SLC35F3: variants seen among roughly 807,000 people sequenced by gnomAD.
SLC35F3 encodes putative thiamine transporter SLC35F3.
SLC35F3 carries 25 observed loss-of-function variants against 49.9 expected under a neutral mutation model. The ratio of observed to expected loss-of-function variants is 0.50; its 90% CI spans 0.37 to 0.70. The LOEUF (loss-of-function observed/expected upper bound fraction) is 0.70. Ranked by LOEUF, SLC35F3 falls within the 30% of genes least tolerant of loss-of-function variation. The pLI, the probability that SLC35F3 is intolerant of heterozygous loss-of-function variation, is 0.00. For missense variants in SLC35F3, 525 were observed against 639.8 expected (o/e 0.82, Z 1.94); for synonymous variants, 275 against 265.4 (o/e 1.04, Z -0.35).
chr1:234,097,616 C>T (rs1665144014), intron 2 of SLC35F3, among the ~76,000 whole-genome samples: 1 of 152,164 alleles, frequency 6.6e-6, no homozygotes, highest in Non-Finnish European at 1.5e-5. Context: ...TAGCCTCCCT[C>T]ATCTGGGGGA....
chr1:234,019,731 C>T (rs1466269842), intron 2 of SLC35F3, among the ~76,000 whole-genome samples: 2 of 152,224 alleles, frequency 1.3e-5, no homozygotes, highest in East Asian at 1.9e-4. Context: ...TAAATGTTCA[C>T]ATAGGCTCAA....
chr1:234,086,744 A>G (rs1394354624), intron 2 of SLC35F3, among the ~76,000 whole-genome samples: 1 of 152,140 alleles, frequency 6.6e-6, no homozygotes, highest in Non-Finnish European at 1.5e-5. Context: ...AAATCTCCTC[A>G]CATGCATGAC....
chr1:233,963,323 T>C (rs1662837133), intron 2 of SLC35F3, among the ~76,000 whole-genome samples: 1 of 150,904 alleles, frequency 6.6e-6, no homozygotes, highest in South Asian at 2.1e-4. Flanking sequence ...TTTTTTGAGA[T>C]GGAGTCTCGC....
chr1:233,930,260 G>A (rs13374030), intron 2 of SLC35F3, among the ~76,000 whole-genome samples: 49,703 of 151,930 alleles, frequency 0.33, 8,890 homozygotes, highest in Middle Eastern at 0.43. Flanking sequence ...GGAAGCTACC[G>A]CAGCCCCGGA....
chr1:233,979,474 C>T (rs1663145198), intron 2 of SLC35F3, among the ~76,000 whole-genome samples: 1 of 152,204 alleles, frequency 6.6e-6, no homozygotes. Flanking sequence ...TAACTTTGTT[C>T]GCTCGCTTCT....
intron 2 of SLC35F3, among the ~76,000 whole-genome samples, chr1:234,143,398 C>T (rs758117263): frequency 6.6e-5 from 10 of 150,830 alleles, no homozygotes; most frequent in African/African-American, 9.8e-5. Flanking sequence ...AAGCGATTCT[C>T]CTGCCTCAGC....
intron 2 of SLC35F3, among the ~76,000 whole-genome samples, chr1:233,943,827 A>G (rs1037664251): frequency 6.6e-5 from 10 of 152,258 alleles, no homozygotes; most frequent in African/African-American, 2.4e-4. Flanking sequence ...ATGCAACTTT[A>G]TCAAATATTG....
chr1:234,236,635 C>A (rs1667474439), intron 3 of SLC35F3, among the ~76,000 whole-genome samples: 1 of 151,984 alleles, frequency 6.6e-6, no homozygotes, highest in Non-Finnish European at 1.5e-5. Context: ...GAAGACCCAG[C>A]AGTTAGGCAG....
chr1:233,905,235 A>C (rs1376493062), intron 1 of SLC35F3, 105 bp downstream of exon 1: 1 of 1,263,304 alleles, frequency 7.9e-7, no homozygotes, highest in African/African-American at 1.5e-5. Context: ...GGCTCGGGGA[A>C]GGGCGGCGCG....
chr1:234,137,330 G>A (rs1409434239), intron 2 of SLC35F3, among the ~76,000 whole-genome samples: 1 of 152,190 alleles, frequency 6.6e-6, no homozygotes, highest in African/African-American at 2.4e-5. Context: ...GATCAACAGT[G>A]GGCAAGCCTG....
At chr1:234,137,643 A>T (rs964413471) in intron 2 of SLC35F3, among the ~76,000 whole-genome samples, 1 of 152,234 alleles carries the variant, frequency 6.6e-6, no homozygotes, top group Non-Finnish European at 1.5e-5. Context: ...AGTAAGAGGC[A>T]TCTTCGTGTC....
intron 2 of SLC35F3, among the ~76,000 whole-genome samples, chr1:234,168,309 C>A (rs1029314453): frequency 2.6e-5 from 4 of 152,240 alleles, no homozygotes; most frequent in African/African-American, 9.6e-5. Flanking sequence ...GGGGTACTCC[C>A]CCAGGGGTCC....
chr1:234,236,929 A>C (rs1249722205), intron 3 of SLC35F3, among the ~76,000 whole-genome samples: 1 of 20,326 alleles, frequency 4.9e-5, no homozygotes, highest in African/African-American at 2.2e-4. Context: ...AAAAAATTAT[A>C]TATATATATA....
intron 3 of SLC35F3, among the ~76,000 whole-genome samples, chr1:234,291,074 G>A (rs1042429120): frequency 2.6e-5 from 4 of 152,138 alleles, no homozygotes; most frequent in African/African-American, 9.7e-5. Flanking sequence ...TGTGGTTGCT[G>A]GAGATAGAAG....
rs75508140 is a variant in SLC35F3, at chr1:234,163,253, T to C, written c.284-68164T>C. Among the ~76,000 whole-genome samples, 626 of 152,376 alleles carry C rather than the reference T, an allele frequency of 4.1e-3. 23 individuals are homozygous for C. The East Asian group carries it at 0.095, about 23-fold the overall frequency. On this transcript the variant is annotated intron_variant, in intron 2 of 7. Transcript: ENST00000366618. The stretch of plus-strand genomic sequence containing the variant: ...TCATACAATACACCTTAGATGTTGA[T>C]GTTAGTACCTTCCTTCTCTCGTAAG...
chr1:234,231,221 G>C lies in SLC35F3; in HGVS notation c.284-196G>C, dbSNP rs1667364341. The stretch of plus-strand genomic sequence containing the variant: ...ACCACACTTGGAGAGCCTCGGACCT[G>C]GAGGACAGGAAAACCAGTGCAAACG... On this transcript the variant is annotated intron_variant, in intron 2 of 7. Transcript: ENST00000366618. The surrounding 1 kb of genome is among the most constrained non-coding windows in gnomAD (Gnocchi z 5.4). Among the ~76,000 whole-genome samples, 1 of 152,228 alleles carries C rather than the reference G, an allele frequency of 6.6e-6. No homozygotes were observed. The highest frequency in any genetic ancestry group is 1.5e-5 in the Non-Finnish European group (1 of 68,036).
chr1:233,962,028 GTTCA>G (rs71574890), intron 2 of SLC35F3, among the ~76,000 whole-genome samples: 2 of 151,104 alleles, frequency 1.3e-5, no homozygotes, highest in Admixed American at 6.6e-5. Flanking sequence ...TCATTCATTT[GTTCA>G]TTCATTCATT....
chr1:234,200,411 A>G (rs55731517), intron 2 of SLC35F3, among the ~76,000 whole-genome samples: 12,444 of 152,040 alleles, frequency 0.082, 1,769 homozygotes, highest in African/African-American at 0.28. Flanking sequence ...ATTTTCTCCT[A>G]TTCTATGGGT....
intron 2 of SLC35F3, among the ~76,000 whole-genome samples, chr1:234,165,943 A>G (rs552100402): frequency 2.7e-4 from 41 of 152,292 alleles, no homozygotes; most frequent in African/African-American, 9.9e-4. Flanking sequence ...AAGTGAGAAC[A>G]TGCGGTATTT....
Sources: allele counts gnomAD v4.1 joint callset (sites outside exome capture counted in the v4.1 genomes callset), GRCh38; gene constraint gnomAD v4.1.1; non-coding constraint Gnocchi (gnomAD v3.1); transcripts MANE v1.5; gene names NCBI Gene and HGNC (gene_info 2026-07-23, HGNC 2026-07-21).